The following CPQ variants were observed in gnomAD, a reference collection of about 807,000 sequenced individuals.
CPQ encodes Ser-Met dipeptidase.
Under a neutral mutation model 45.7 loss-of-function variants are expected in CPQ, and 37 were observed. The observed-to-expected ratio is 0.81, with a 90% CI of 0.62 to 1.07. The LOEUF is 1.07. CPQ is among the 50% of genes least tolerant of loss of function. The pLI, the probability that CPQ is intolerant of heterozygous loss-of-function variation, is 0.00. For missense variants in CPQ, 537 were observed against 572.9 expected (o/e 0.94, Z 0.64); for synonymous variants, 186 against 205.8 (o/e 0.90, Z 0.82).
intron 5 of CPQ, among the ~76,000 whole-genome samples, chr8:96,976,247 C>T (rs376193288): frequency 1.6e-5 from 1 of 60,844 alleles, no homozygotes; most frequent in African/African-American, 6.1e-5. Context: ...CAATAGCTGA[C>T]AAAAAAAAAA....
intron 1 of CPQ, among the ~76,000 whole-genome samples, chr8:96,652,975 A>T (rs1490886774): frequency 1.3e-5 from 2 of 152,160 alleles, no homozygotes; most frequent in Non-Finnish European, 2.9e-5. Flanking sequence ...TCTTTTGCTC[A>T]GGCTGGAGTA....
At chr8:96,813,208 A>G (rs1348513506) in intron 2 of CPQ, among the ~76,000 whole-genome samples, 2 of 152,116 alleles carry the variant, frequency 1.3e-5, no homozygotes, top group Admixed American at 1.3e-4. Flanking sequence ...TAGCTCAACC[A>G]TTCTTCTATG....
At chr8:96,807,778 ATACATAGGGTCAGTTT>A (rs561096346) in intron 2 of CPQ, among the ~76,000 whole-genome samples, 117 of 152,334 alleles carry the variant, frequency 7.7e-4, no homozygotes, top group African/African-American at 2.7e-3. Context: ...GTGATATAAA[ATACATAGGGTCAGTTT>A]TACATAGTAA....
intron 1 of CPQ, among the ~76,000 whole-genome samples, chr8:96,678,001 T>A (rs1451094365): frequency 6.6e-6 from 1 of 152,116 alleles, no homozygotes; most frequent in Non-Finnish European, 1.5e-5. Flanking sequence ...GCTTTCTTTC[T>A]GGGTTCTCTA....
rs1810746533 is a variant in CPQ at position 96,785,099 on chromosome 8, G to A, written c.202G>A (p.Ala68Thr). 1 of 1,613,740 alleles carries A rather than the reference G, an allele frequency of 6.2e-7. No individual in the cohort carries two copies. The highest frequency in any genetic ancestry group is 8.5e-7 in the Non-Finnish European group (1 of 1,179,834). Residue 68 changes from alanine (A) to threonine (T), a missense_variant, in exon 2 of 8, where the codon GCA becomes ACA. Ala to Thr is a moderately conservative substitution (Grantham distance 58). Coordinates refer to ENST00000220763, the MANE Select transcript of CPQ (RefSeq NM_016134.4). ...KAQNRSYERL[A>T]LLVDTVGPRL... ...CCAGAACAGATCCTATGAGCGATTG[G>A]CACTTCTGGTTGATACTGTTGGACC...
At chr8:96,765,030 T>C (rs938047995) in intron 1 of CPQ, among the ~76,000 whole-genome samples, 1 of 152,238 alleles carries the variant, frequency 6.6e-6, no homozygotes, top group African/African-American at 2.4e-5. Flanking sequence ...CTAAATTGTT[T>C]GGAACAAGAA....
intron 4 of CPQ, among the ~76,000 whole-genome samples, chr8:96,946,239 C>T (rs1273452062): frequency 6.6e-6 from 1 of 152,072 alleles, no homozygotes; most frequent in Non-Finnish European, 1.5e-5. Context: ...TTCCATAGGA[C>T]TTCTAAAACA....
At chr8:96,676,849 C>A (rs1809082874) in intron 1 of CPQ, among the ~76,000 whole-genome samples, 1 of 151,926 alleles carries the variant, frequency 6.6e-6, no homozygotes, top group South Asian at 2.1e-4. Context: ...CTACTGAGTC[C>A]CCAAAGTCCA....
At chr8:96,696,514 TAATA>T (rs1809386320) in intron 1 of CPQ, among the ~76,000 whole-genome samples, 1 of 149,332 alleles carries the variant, frequency 6.7e-6, no homozygotes, top group Non-Finnish European at 1.5e-5. Context: ...AGAAAATAAA[TAATA>T]AAGATCAGAG....
intron 1 of CPQ, among the ~76,000 whole-genome samples, chr8:96,654,146 C>G (rs1432128798): frequency 6.6e-6 from 1 of 152,212 alleles, no homozygotes; most frequent in African/African-American, 2.4e-5. Flanking sequence ...TCATAAGGCA[C>G]TGGTTCAGAA....
chr8:96,674,260 T>C (rs919360096), intron 1 of CPQ, among the ~76,000 whole-genome samples: 2 of 152,180 alleles, frequency 1.3e-5, no homozygotes, highest in Non-Finnish European at 2.9e-5. Flanking sequence ...GTGTATTTCC[T>C]GAACCTTTTT....
intron 4 of CPQ, among the ~76,000 whole-genome samples, chr8:96,908,300 A>G (rs1812607217): frequency 6.6e-6 from 1 of 152,152 alleles, no homozygotes; most frequent in Non-Finnish European, 1.5e-5. Flanking sequence ...CATAACAGAA[A>G]GGTCTGATAA....
At chr8:96,893,636 AAGGTC>A (rs1812405382) in intron 4 of CPQ, among the ~76,000 whole-genome samples, 1 of 152,228 alleles carries the variant, frequency 6.6e-6, no homozygotes, top group Admixed American at 6.5e-5. Context: ...TAATTGGACT[AAGGTC>A]AGGCACACAC....
intron 1 of CPQ, among the ~76,000 whole-genome samples, chr8:96,651,126 A>G (rs1815571907): frequency 6.6e-6 from 1 of 152,200 alleles, no homozygotes; most frequent in Non-Finnish European, 1.5e-5. Flanking sequence ...AATACAATGG[A>G]CATCATGACT....
rs942797636 is a variant in CPQ at position 96,662,470 on chromosome 8, A to G, written c.-35+17068A>G. Among the ~76,000 whole-genome samples the G allele has an allele frequency of 1.1e-4, 17 of 152,302 alleles. 2 individuals are homozygous for G. In the South Asian group the frequency reaches 1.7e-3, roughly 15 times the overall value. ...TTCTTAAAGATAAATGGATTCCTCA[A>G]TGTTTATTTGTAGTATATCCTTGTT... On this transcript the variant is annotated intron_variant, in intron 1 of 7. Transcript: ENST00000220763.
At chr8:96,939,751 G>C (rs1397027472) in intron 4 of CPQ, among the ~76,000 whole-genome samples, 1 of 152,042 alleles carries the variant, frequency 6.6e-6, no homozygotes, top group East Asian at 1.9e-4. Context: ...AGTTTTTGCT[G>C]TTTCAAACAG....
At chr8:96,808,867 G>A (rs538188583) in intron 2 of CPQ, among the ~76,000 whole-genome samples, 1 of 152,286 alleles carries the variant, frequency 6.6e-6, no homozygotes, top group South Asian at 2.1e-4. Context: ...GGACTTGGCT[G>A]TTATCAGACA....
chr8:97,060,625 C>CTCAA (rs1810534677), intron 6 of CPQ, among the ~76,000 whole-genome samples: 1 of 152,114 alleles, frequency 6.6e-6, no homozygotes, highest in African/African-American at 2.4e-5. Flanking sequence ...CTCAGCTTGT[C>CTCAA]TCAATCAGTG....
chr8:96,650,905 A>C (rs558043277), intron 1 of CPQ, among the ~76,000 whole-genome samples: 2 of 152,214 alleles, frequency 1.3e-5, no homozygotes, highest in Non-Finnish European at 2.9e-5. Flanking sequence ...TTATGAGGCA[A>C]ATAATCCCTT....
Sources: gnomAD v4.1 joint callset for allele counts (sites outside exome capture counted in the v4.1 genomes callset) on GRCh38, gnomAD v4.1.1 for gene constraint, MANE v1.5 for transcripts, NCBI Gene and HGNC (gene_info 2026-07-23, HGNC 2026-07-21) for gene names.